ZNF335: variants seen among roughly 807,000 people sequenced by gnomAD.
ZNF335 encodes the protein zinc finger protein 335, also known as NRC-interacting factor 1.
ZNF335 carries 84 observed loss-of-function variants against 145.6 expected under a neutral mutation model. That is an observed-to-expected ratio of 0.58 (90% CI 0.48 to 0.69). ZNF335 has a LOEUF of 0.69. Ranked by LOEUF, ZNF335 falls within the 30% of genes least tolerant of loss-of-function variation. The probability of loss-of-function intolerance (pLI) is 0.00; values close to 1 mark genes in which losing one functional copy is unlikely to be tolerated. For synonymous variants in ZNF335, 761 were observed against 717.0 expected, an observed-to-expected ratio of 1.06 and a Z score of -0.98; for missense variants, 1,865 against 1,809.7, an observed-to-expected ratio of 1.03 and a Z score of -0.55.
chr20:45,969,370 G>C, intron 3 of ZNF335, 81 bp downstream of exon 3: 1 of 1,401,794 alleles, frequency 7.1e-7, no homozygotes, highest in Non-Finnish European at 9.4e-7. Context: ...TAATCTGCCT[G>C]AGTTCACACA....
intron 1 of ZNF335, 151 bp from the exon 2 acceptor site, chr20:45,971,611 G>A (rs1468740397): frequency 2.0e-6 from 2 of 985,392 alleles, no homozygotes; most frequent in Non-Finnish European, 2.4e-6. Flanking sequence ...TGCGAGGGGA[G>A]CTCGGGAAAA....
chr20:45,965,802 A>G (rs375839609), intron 6 of ZNF335, 28 bp from the exon 7 acceptor site: 4 of 1,587,360 alleles, frequency 2.5e-6, no homozygotes, highest in East Asian at 2.4e-5. Flanking sequence ...GTTGGTGAAC[A>G]GTGAGTGGCG....
At position 45,960,702 on chromosome 20, in the gene ZNF335, C is replaced by G. The variant is rs372834668; in HGVS notation, c.1696G>C (p.Val566Leu). 1 of 1,614,114 alleles carries G rather than the reference C, an allele frequency of 6.2e-7. No homozygotes were observed. Among genetic ancestry groups the G allele is most frequent in the Admixed American group, 1.7e-5 (1 of 60,012 alleles). The change falls in exon 12 of 28, where the codon GTG becomes CTG. Residue 566 changes from valine (V) to leucine (L), a missense_variant. Transcript: ENST00000322927. ...TPKLSSFPCP[V>L]CGRVYPMQKR... ...TGCATGGGGTACACACGGCCACACA[C>G]AGGGCAGGGGAAAGAGCTCAGCTTT...
chr20:45,949,842 T>G lies in ZNF335; in HGVS notation c.3627A>C (p.Ala1209=). The G allele has an allele frequency of 1.2e-6, 2 of 1,614,162 alleles. No homozygotes were observed. The highest frequency in any genetic ancestry group is 1.7e-6 in the Non-Finnish European group (2 of 1,180,020). Residue 1209 remains alanine (A), a synonymous_variant, in exon 24 of 28, where the codon GCA becomes GCC. Transcript: ENST00000322927. The part of the protein sequence containing the change: ...EAAYIQEITT[A]DGQTVQHLVT... Reference sequence around the variant, plus strand: ...CCAGGTGCTGTACGGTCTGGCCATCTGCCGTGGTGATCTCTTGGATGTAGG... The same window carrying G: ...CCAGGTGCTGTACGGTCTGGCCATCGGCCGTGGTGATCTCTTGGATGTAGG...
intron 16 of ZNF335, 52 bp from the exon 17 acceptor site, chr20:45,957,732 A>G (rs756344865): frequency 1.9e-6 from 3 of 1,607,388 alleles, no homozygotes; most frequent in African/African-American, 1.3e-5. Context: ...CTGGCACCCA[A>G]TACCACCCCC....
intron 2 of ZNF335, among the ~76,000 whole-genome samples, chr20:45,970,708 T>C (rs1165283648): frequency 2.6e-5 from 4 of 151,216 alleles, no homozygotes; most frequent in African/African-American, 9.7e-5. Context: ...CAAAGAGGTC[T>C]CCCAGTAAAC....
chr20:45,948,776 G>T lies in ZNF335; in HGVS notation c.*177C>A. On this transcript the variant is annotated 3_prime_UTR_variant, in exon 28 of 28. Transcript: ENST00000322927. ...AGGCTGGGGCACCCAGCATGTCCTG[G>T]CTGGGGCCCATGGCTGCCCCTAACC... 2.0e-6 allele frequency: 2 copies of T among 980,510 alleles called. No individual in the cohort carries two copies. Among genetic ancestry groups the T allele is most frequent in the Non-Finnish European group, 3.0e-6 (2 of 664,562 alleles). 60.7% of individuals were successfully genotyped at this position (980,510 alleles called of 1,614,324 possible).
intron 18 of ZNF335, 116 bp downstream of exon 18, chr20:45,953,573 T>C: frequency 1.5e-6 from 2 of 1,357,396 alleles, no homozygotes; most frequent in East Asian, 2.3e-5. Context: ...CACTAATCAC[T>C]TGATGTGTAT....
chr20:45,952,574 G>A (rs2083654369), intron 19 of ZNF335, 24 bp downstream of exon 19: 8 of 1,612,886 alleles, frequency 5.0e-6, no homozygotes, highest in Non-Finnish European at 5.9e-6. Context: ...AGGTGGGGGA[G>A]TGGTTGGCAT....
intron 20 of ZNF335, among the ~76,000 whole-genome samples, chr20:45,951,044 C>T (rs2083622249): frequency 6.6e-6 from 1 of 152,230 alleles, no homozygotes. Context: ...TGGCATGCGC[C>T]ACCACACCTG....
chr20:45,959,651 T>C (rs2083796988), intron 14 of ZNF335, among the ~76,000 whole-genome samples: 1 of 152,188 alleles, frequency 6.6e-6, no homozygotes, highest in Non-Finnish European at 1.5e-5. Context: ...GCCTACCTAT[T>C]TGCAAAGTCA....
rs534135228 is a variant in ZNF335 at position 45,971,121 on chromosome 20, G to A, written c.201+89C>T. On this transcript the variant is annotated intron_variant, in intron 2 of 27. Coordinates refer to ENST00000322927, the MANE Select transcript of ZNF335 (RefSeq NM_022095.4). ...AGTAAACCAGAAACACCAAGTATTA[G>A]CTACAAACAAGCCTTGTTTCCTCTT... The A allele has an allele frequency of 8.3e-6, 12 of 1,437,764 alleles. No homozygotes were observed. In the South Asian group the frequency reaches 1.5e-4, roughly 18 times the overall value. 89.1% of individuals were successfully genotyped at this position (1,437,764 alleles called of 1,614,324 possible). A position where few individuals can be genotyped will look rare whatever the true frequency, so the allele number is the denominator to read the frequency against.
At chr20:45,956,420 G>A (rs2083730202) in intron 17 of ZNF335, among the ~76,000 whole-genome samples, 1 of 151,962 alleles carries the variant, frequency 6.6e-6, no homozygotes, top group Admixed American at 6.6e-5. Context: ...TAGCAATGGG[G>A]TTTCTCCATG....
rs1400474404 is a variant in ZNF335 at position 45,948,854 on chromosome 20, A to C, written c.*99T>G. On this transcript the variant is annotated 3_prime_UTR_variant, in exon 28 of 28. Coordinates refer to ENST00000322927, the MANE Select transcript of ZNF335 (RefSeq NM_022095.4). The stretch of plus-strand genomic sequence containing the variant: ...AATGAGAGGATGCTGGCTATCCAGT[A>C]TCTGGAGATCCTAAATGAAGAGGGA... The C allele has an allele frequency of 1.3e-6, 2 of 1,569,614 alleles. No homozygotes were observed. Among genetic ancestry groups the C allele is most frequent in the African/African-American group, 2.7e-5 (2 of 74,354 alleles).
intron 11 of ZNF335, 66 bp from the exon 12 acceptor site, chr20:45,960,798 C>G: frequency 6.2e-7 from 1 of 1,613,556 alleles, no homozygotes; most frequent in Non-Finnish European, 8.5e-7. Flanking sequence ...AACCTCCCCT[C>G]TTGTCCTCAC....
In ZNF335 at chr20:45,960,522, C is replaced by T; in HGVS notation, c.1786G>A (p.Gly596Arg). The T allele has an allele frequency of 6.2e-7, 1 of 1,614,186 alleles. No individual in the cohort carries two copies. The highest frequency in any genetic ancestry group is 8.5e-7 in the Non-Finnish European group (1 of 1,180,028). ...TEKPHMCDKCGKSFKKRYTFK... is the reference protein window; with the variant it reads ...TEKPHMCDKCRKSFKKRYTFK... ...GTGTAGCGCTTCTTAAAGGACTTTC[C>T]ACACTGTGAGGGGTGGAGAGCAGTG... Residue 596 changes from glycine to arginine, a missense_variant, in exon 13 of 28, where the codon GGA (glycine) becomes AGA (arginine). Coordinates refer to ENST00000322927, the MANE Select transcript of ZNF335 (RefSeq NM_022095.4).
chr20:45,949,843 G>A lies in ZNF335; in HGVS notation c.3626C>T (p.Ala1209Val). 1.2e-6 allele frequency: 2 copies of A among 1,614,138 alleles called. No individual in the cohort carries two copies. Among genetic ancestry groups the A allele is most frequent in the East Asian group, 2.2e-5 (1 of 44,876 alleles). The change falls in exon 24 of 28, where the codon GCA (alanine) becomes GTA (valine). Residue 1209 changes from alanine to valine, a missense_variant. Ala to Val is a moderately conservative substitution (Grantham distance 64). Transcript: ENST00000322927. ...CAGGTGCTGTACGGTCTGGCCATCT[G>A]CCGTGGTGATCTCTTGGATGTAGGC... ...EAAYIQEITT[A>V]DGQTVQHLVT... is the part of the protein sequence containing the mutation.
rs368180199 is a variant in ZNF335 at position 45,948,914 on chromosome 20, C to T, written c.*39G>A. 1 of 1,613,098 alleles carries T rather than the reference C, an allele frequency of 6.2e-7. No individual in the cohort carries two copies. Among genetic ancestry groups the T allele is most frequent in the Admixed American group, 1.7e-5 (1 of 60,012 alleles). ...TGGTGGCCCCCTACCCCCAGGAGAG[C>T]TGGCCGCAAATCCATGATCTGTGTT... is the stretch of plus-strand genomic sequence containing the variant. On this transcript the variant is annotated 3_prime_UTR_variant, in exon 28 of 28. Transcript: ENST00000322927.
chr20:45,960,133 TG>T, intron 14 of ZNF335, 74 bp downstream of exon 14: 1 of 1,539,364 alleles, frequency 6.5e-7, no homozygotes, highest in Non-Finnish European at 8.8e-7. Flanking sequence ...AGGAAGAGGA[TG>T]GGAGCTAAGC....
Sources: gnomAD v4.1 joint callset for allele counts (sites outside exome capture counted in the v4.1 genomes callset) on GRCh38, gnomAD v4.1.1 for gene constraint, MANE v1.5 for transcripts, NCBI Gene and HGNC (gene_info 2026-07-23, HGNC 2026-07-21) for gene names.